POLR2G: variants seen among roughly 807,000 people sequenced by gnomAD.
POLR2G encodes the protein RNA polymerase II subunit G.
Under a neutral mutation model 25.7 loss-of-function variants are expected in POLR2G, and 19 were observed. That is an observed-to-expected ratio of 0.74 (90% CI 0.52 to 1.08). The LOEUF is 1.08. Among genes scored for constraint, POLR2G ranks in the 50% least tolerant of loss-of-function variants. The probability of loss-of-function intolerance (pLI) is 0.00; values close to 1 mark genes in which losing one functional copy is unlikely to be tolerated. For synonymous variants in POLR2G, 79 were observed against 76.0 expected, an observed-to-expected ratio of 1.04 and a Z score of -0.21; for missense variants, 123 against 218.5, an observed-to-expected ratio of 0.56 and a Z score of 2.76.
rs780365367 is a variant in POLR2G, at chr11:62,761,609, T to A, written c.-40T>A. Reference sequence around the variant, plus strand: ...GTTTCCGGTGGATTCCCAGGGACTGTCGGAGGTGTGGACTCTGCCTGCCTA... The same window carrying A: ...GTTTCCGGTGGATTCCCAGGGACTGACGGAGGTGTGGACTCTGCCTGCCTA... On this transcript the variant is annotated 5_prime_UTR_variant, in exon 1 of 8. Transcript: ENST00000301788. The A allele has an allele frequency of 6.3e-7, 1 of 1,589,482 alleles. No individual in the cohort carries two copies. Among genetic ancestry groups the A allele is most frequent in the Non-Finnish European group, 8.6e-7 (1 of 1,167,232 alleles).
chr11:62,762,651 T>G, intron 2 of POLR2G: 2 of 621,204 alleles, frequency 3.2e-6, no homozygotes, highest in Non-Finnish European at 3.0e-6. Flanking sequence ...TTCTTGGACA[T>G]TTATTGTGAA....
Position 62,766,602 on chromosome 11 carries a change from G to A in POLR2G, c.*95G>A. ...GGTCCAGTCTGGCTGCTGTTGTGGA[G>A]GCAAGGAAGGCAACTCATCCCAGAA... On this transcript the variant is annotated 3_prime_UTR_variant, in exon 8 of 8. Coordinates refer to ENST00000301788, the MANE Select transcript of POLR2G (RefSeq NM_002696.3). The A allele has an allele frequency of 1.7e-6, 2 of 1,167,370 alleles. No individual in the cohort carries two copies. The highest frequency in any genetic ancestry group is 1.3e-6 in the Non-Finnish European group (1 of 784,476). The allele number at this position is 1,167,370 out of a possible 1,614,324, so 72.3% of individuals were successfully genotyped here.
Position 62,761,842 on chromosome 11 carries a change from CA to C in POLR2G, c.62del (p.Asn21ThrfsTer6). 6.2e-7 allele frequency: 1 copy of C among 1,613,924 alleles called. No individual in the cohort carries two copies. The highest frequency in any genetic ancestry group is 1.1e-5 in the South Asian group (1 of 91,082). On this transcript the variant is annotated frameshift_variant, in exon 2 of 8. Transcript: ENST00000301788. LOFTEE classifies it high-confidence loss of function. ...ILLHPRYFGP[N>X]LLNTVKQKLF... ...TGCTGCACCCGCGCTACTTCGGCCC[CA>C]ACTTGCTCAACACGGTGAAGCAGAA...
At position 62,766,120 on chromosome 11, in the gene POLR2G, A is replaced by C. The variant is rs2084114783; in HGVS notation, c.472-123A>C. Reference sequence around the variant, plus strand: ...TCGATTTCTTACCACCCACAGTTTCAGGGGGTTCTGTGCTCTTCTGCCAGG... The same window carrying C: ...TCGATTTCTTACCACCCACAGTTTCCGGGGGTTCTGTGCTCTTCTGCCAGG... On this transcript the variant is annotated intron_variant, in intron 6 of 7. Transcript: ENST00000301788. 3 of 864,064 alleles carry C rather than the reference A, an allele frequency of 3.5e-6. No homozygotes were observed. In the African/African-American group the frequency reaches 5.0e-5, roughly 14 times the overall value. The allele number at this position is 864,064 out of a possible 1,614,324, so 53.5% of individuals were successfully genotyped here.
In POLR2G at chr11:62,762,992, A is replaced by C. The variant is rs1199807374; in HGVS notation, c.248A>C (p.Glu83Ala). The C allele has an allele frequency of 6.2e-7, 1 of 1,609,756 alleles. No individual in the cohort carries two copies. The highest frequency in any genetic ancestry group is 1.7e-5 in the Admixed American group (1 of 59,818). Residue 83 changes from glutamate to alanine, a missense_variant, in exon 3 of 8, where the codon GAG (glutamate) becomes GCG (alanine). Coordinates refer to ENST00000301788, the MANE Select transcript of POLR2G (RefSeq NM_002696.3). ...ATTGTTTTCCGGCCATTTAAAGGGG[A>C]GGTCGTGGATGCTGTTGTCACTCAG... Reference protein sequence around the residue: ...KAIVFRPFKGEVVDAVVTQVN... With the variant: ...KAIVFRPFKGAVVDAVVTQVN...
intron 6 of POLR2G, 27 bp downstream of exon 6, chr11:62,765,751 T>G: frequency 7.5e-7 from 1 of 1,334,506 alleles, no homozygotes; most frequent in African/African-American, 1.4e-5. Context: ...CCTCTCTACC[T>G]ATACCAGGTT....
At chr11:62,763,657 A>G (rs764464301) in intron 3 of POLR2G, among the ~76,000 whole-genome samples, 1 of 152,010 alleles carries the variant, frequency 6.6e-6, no homozygotes, top group African/African-American at 2.4e-5. Flanking sequence ...AGTCAGTATT[A>G]ATAGTCATAA....
chr11:62,766,641 T>G lies in POLR2G; in HGVS notation c.*134T>G, dbSNP rs1416727989. 1 of 733,612 alleles carries G rather than the reference T, an allele frequency of 1.4e-6. No individual in the cohort carries two copies. Among genetic ancestry groups the G allele is most frequent in the East Asian group, 2.6e-5 (1 of 38,706 alleles). The allele number at this position is 733,612 out of a possible 1,614,324, so 45.4% of individuals were successfully genotyped here. A position where few individuals can be genotyped will look rare whatever the true frequency, so the allele number is the denominator to read the frequency against. ...CTCATCCCAGAAGGCATCTGGTGCT[T>G]CTTGTAGCTTAACTACTGCCTCCTC... On this transcript the variant is annotated 3_prime_UTR_variant, in exon 8 of 8. Coordinates refer to ENST00000301788, the MANE Select transcript of POLR2G (RefSeq NM_002696.3).
intron 3 of POLR2G, among the ~76,000 whole-genome samples, chr11:62,764,860 CTT>C (rs1280684503): frequency 6.6e-6 from 1 of 151,498 alleles, no homozygotes; most frequent in Non-Finnish European, 1.5e-5. Flanking sequence ...CAAGATCACT[CTT>C]TTGTTTTTTT....
chr11:62,761,708 C>T, intron 1 of POLR2G, 48 bp downstream of exon 1: 1 of 1,609,738 alleles, frequency 6.2e-7, no homozygotes, highest in South Asian at 1.1e-5. Flanking sequence ...AAAGGAAGAG[C>T]AAGGCCAGGC....
intron 3 of POLR2G, among the ~76,000 whole-genome samples, chr11:62,764,574 T>C (rs1475362208): frequency 6.6e-6 from 1 of 152,034 alleles, no homozygotes; most frequent in African/African-American, 2.4e-5. Context: ...GTGGGAAGAT[T>C]GCTTGAGCCT....
intron 1 of POLR2G, 55 bp from the exon 2 acceptor site, chr11:62,761,740 T>C: frequency 6.2e-7 from 1 of 1,607,064 alleles, no homozygotes; most frequent in Non-Finnish European, 8.5e-7. Flanking sequence ...ACTCCCCTTG[T>C]CGTCCAATAA....
At chr11:62,765,495 G>A in intron 5 of POLR2G, 90 bp downstream of exon 5, 1 of 1,176,496 alleles carries the variant, frequency 8.5e-7, no homozygotes, top group Non-Finnish European at 1.3e-6. Context: ...AGTACAGATG[G>A]TCCCCGAATT....
Position 62,761,617 on chromosome 11 carries a change from G to A in POLR2G, c.-32G>A, listed in dbSNP as rs1202147854. The A allele has an allele frequency of 6.2e-7, 1 of 1,600,444 alleles. No homozygotes were observed. The highest frequency in any genetic ancestry group is 8.5e-7 in the Non-Finnish European group (1 of 1,173,036). On this transcript the variant is annotated 5_prime_UTR_variant, in exon 1 of 8. The change creates a new upstream start codon in the 5' untranslated region. Transcript: ENST00000301788. ...TGGATTCCCAGGGACTGTCGGAGGT[G>A]TGGACTCTGCCTGCCTACCTGGTCT...
At chr11:62,761,977 C>A in intron 2 of POLR2G, 73 bp downstream of exon 2, 2 of 1,082,426 alleles carry the variant, frequency 1.8e-6, no homozygotes, top group Non-Finnish European at 2.8e-6. Flanking sequence ...AACCCCTCCC[C>A]AACTCCTACT....
chr11:62,765,244 C>T lies in POLR2G; in HGVS notation c.333+12C>T. 6.2e-7 allele frequency: 1 copy of T among 1,613,460 alleles called. No homozygotes were observed. Among genetic ancestry groups the T allele is most frequent in the Non-Finnish European group, 8.5e-7 (1 of 1,179,438 alleles). On this transcript the variant is annotated intron_variant, in intron 4 of 7. Transcript: ENST00000301788. ...TCATCTCTCGACATGTAAGTCTGGGCACACTGGGTGGGGCTGAGGAAGACA... is the reference window on the plus strand; with the variant it reads ...TCATCTCTCGACATGTAAGTCTGGGTACACTGGGTGGGGCTGAGGAAGACA...
intron 6 of POLR2G, 29 bp from the exon 7 acceptor site, chr11:62,766,214 T>G (rs1024363090): frequency 7.4e-6 from 12 of 1,611,030 alleles, no homozygotes; most frequent in Non-Finnish European, 1.0e-5. Flanking sequence ...CATCTTGGCT[T>G]CACTTTCTTT....
chr11:62,765,152 C>T (rs376319299), intron 3 of POLR2G, 30 bp from the exon 4 acceptor site: 38 of 1,607,808 alleles, frequency 2.4e-5, no homozygotes, highest in Middle Eastern at 2.1e-4. Flanking sequence ...CCACCGTGCA[C>T]GGCCGTAAGA....
At chr11:62,762,641 T>G in intron 2 of POLR2G, 2 of 617,824 alleles carry the variant, frequency 3.2e-6, no homozygotes, top group Non-Finnish European at 6.1e-6. Context: ...GACTCCAGCC[T>G]TCTTGGACAT....
Sources: allele counts gnomAD v4.1 joint callset (sites outside exome capture counted in the v4.1 genomes callset), GRCh38; gene constraint gnomAD v4.1.1; transcripts MANE v1.5; gene names NCBI Gene and HGNC (gene_info 2026-07-23, HGNC 2026-07-21).